NOL10: variants seen among roughly 807,000 people sequenced by gnomAD.
The protein encoded by NOL10 is nucleolar protein 10, also known as H_NH0074G24.1.
In NOL10, 58 loss-of-function variants were observed where a neutral mutation model predicts 103.5. The ratio of observed to expected loss-of-function variants is 0.56; its 90% CI spans 0.45 to 0.70. The LOEUF is 0.70. Ranked by LOEUF, NOL10 falls within the 30% of genes least tolerant of loss-of-function variation. The pLI is 0.00. For synonymous variants in NOL10, 287 were observed against 282.5 expected, an observed-to-expected ratio of 1.02 and a Z score of -0.16; for missense variants, 763 against 807.3, an observed-to-expected ratio of 0.95 and a Z score of 0.67.
intron 13 of NOL10, among the ~76,000 whole-genome samples, chr2:10,619,178 G>A (rs758845091): frequency 1.3e-5 from 2 of 152,108 alleles, no homozygotes; most frequent in Non-Finnish European, 2.9e-5. Context: ...ACAGAGTCTT[G>A]TTCTGTCACC....
At chr2:10,653,870 G>C (rs1435264344) in intron 12 of NOL10, among the ~76,000 whole-genome samples, 1 of 152,074 alleles carries the variant, frequency 6.6e-6, no homozygotes, top group Non-Finnish European at 1.5e-5. Context: ...GCACAAATGT[G>C]ATAGGAGTTC....
chr2:10,673,671 T>A (rs1330789672), intron 4 of NOL10, 114 bp from the exon 5 acceptor site: 1 of 612,720 alleles, frequency 1.6e-6, no homozygotes, highest in Non-Finnish European at 2.8e-6. Flanking sequence ...ACCAGTTTTT[T>A]TCTGCCTCTA....
chr2:10,687,656 C>A (rs936034550), intron 1 of NOL10, among the ~76,000 whole-genome samples: 1 of 152,184 alleles, frequency 6.6e-6, no homozygotes, highest in Non-Finnish European at 1.5e-5. Flanking sequence ...CAAATGTTCA[C>A]TATTGAAAAT....
rs576737583 is a variant in NOL10 at position 10,610,593 on chromosome 2, G to A, written c.1027-3282C>T. On this transcript the variant is annotated intron_variant, in intron 13 of 20. Coordinates refer to ENST00000381685, the MANE Select transcript of NOL10 (RefSeq NM_024894.4). ...TTATTGATTTACACTGGTATAAAAT[G>A]CAGGTTTTATCCACATTAGACCTTT... 4.7e-4 allele frequency among the ~76,000 whole-genome samples: 71 copies of A among 152,206 alleles called. 2 individuals carry two copies. Among genetic ancestry groups the A allele is most frequent in the Admixed American group, 4.4e-3 (68 of 15,290 alleles).
chr2:10,606,640 C>T (rs1039869587), intron 14 of NOL10, among the ~76,000 whole-genome samples: 12 of 150,026 alleles, frequency 8.0e-5, no homozygotes, highest in African/African-American at 2.9e-4. Flanking sequence ...ACTATCTGCA[C>T]ATAGTAAGCC....
At chr2:10,678,407 G>C (rs536772123) in intron 3 of NOL10, among the ~76,000 whole-genome samples, 61 of 144,236 alleles carry the variant, frequency 4.2e-4, no homozygotes, top group Non-Finnish European at 8.0e-4. Flanking sequence ...TTGGCCACTA[G>C]GGGAAAAAAG....
intron 9 of NOL10, among the ~76,000 whole-genome samples, chr2:10,660,564 T>G (rs1196816656): frequency 6.6e-6 from 1 of 152,156 alleles, no homozygotes; most frequent in East Asian, 1.9e-4. Context: ...GTGATCTGCC[T>G]GCCTTGGCCT....
intron 12 of NOL10, among the ~76,000 whole-genome samples, chr2:10,646,530 G>C (rs565158394): frequency 6.6e-6 from 1 of 152,298 alleles, no homozygotes; most frequent in South Asian, 2.1e-4. Flanking sequence ...AGGGCTGAAA[G>C]CAATTATGAA....
chr2:10,640,264 G>T (rs1678609645), intron 13 of NOL10, among the ~76,000 whole-genome samples: 1 of 152,146 alleles, frequency 6.6e-6, no homozygotes, highest in South Asian at 2.1e-4. Flanking sequence ...ATGAAAAATG[G>T]CAGGCTTTCA....
At chr2:10,632,236 A>G (rs1270459856) in intron 13 of NOL10, among the ~76,000 whole-genome samples, 1 of 152,180 alleles carries the variant, frequency 6.6e-6, no homozygotes, top group Admixed American at 6.5e-5. Flanking sequence ...AGACAAAATG[A>G]CGCCCCTGCA....
intron 13 of NOL10, among the ~76,000 whole-genome samples, chr2:10,631,056 T>C (rs1219226408): frequency 6.6e-6 from 1 of 152,214 alleles, no homozygotes; most frequent in Non-Finnish European, 1.5e-5. Flanking sequence ...GTATGTCTAA[T>C]AGGGCTCTGC....
chr2:10,612,392 T>C (rs1473465470), intron 13 of NOL10, among the ~76,000 whole-genome samples: 1 of 152,242 alleles, frequency 6.6e-6, no homozygotes, highest in East Asian at 1.9e-4. Context: ...TTTATAATGC[T>C]ACTGAGTATG....
Position 10,681,975 on chromosome 2 carries a change from T to C in NOL10, c.207A>G (p.Ala69=). 1 of 1,399,822 alleles carries C rather than the reference T, an allele frequency of 7.1e-7. No individual in the cohort carries two copies. The highest frequency in any genetic ancestry group is 9.5e-7 in the Non-Finnish European group (1 of 1,052,638). The allele number at this position is 1,399,822 out of a possible 1,614,324, so 86.7% of individuals were successfully genotyped here. The change falls in exon 3 of 21, where the codon GCA becomes GCG. Residue 69 remains alanine, a synonymous_variant. Coordinates refer to ENST00000381685, the MANE Select transcript of NOL10 (RefSeq NM_024894.4). The part of the protein sequence containing the change: ...KVSKDGQYIL[A]TGTYKPRVRC... ...CATAACCAAAAAGATGCTTACCAGT[T>C]GCTAAAATGTACTGTCCATCTTTTG...
At chr2:10,677,752 C>T (rs751763675) in intron 3 of NOL10, among the ~76,000 whole-genome samples, 2 of 151,928 alleles carry the variant, frequency 1.3e-5, no homozygotes, top group Non-Finnish European at 2.9e-5. Context: ...GAATTACAGG[C>T]GTGAGCCACC....
chr2:10,682,701 C>T (rs1311617757), intron 2 of NOL10, among the ~76,000 whole-genome samples: 1 of 152,006 alleles, frequency 6.6e-6, no homozygotes, highest in African/African-American at 2.4e-5. Context: ...CACTGGGCCC[C>T]TAAACCACTA....
chr2:10,642,387 C>A (rs1389025208), intron 13 of NOL10, among the ~76,000 whole-genome samples: 2 of 152,204 alleles, frequency 1.3e-5, no homozygotes, highest in Non-Finnish European at 2.9e-5. Flanking sequence ...GCTGCCACAG[C>A]CTGTGCTTGT....
intron 12 of NOL10, among the ~76,000 whole-genome samples, chr2:10,648,915 G>GT (rs1414563602): frequency 1.1e-4 from 17 of 152,098 alleles, no homozygotes; most frequent in Non-Finnish European, 2.9e-5. Flanking sequence ...ACAGCGAAAT[G>GT]TAACACACAA....
chr2:10,636,847 CAA>C (rs1326408679), intron 13 of NOL10, among the ~76,000 whole-genome samples: 2 of 152,214 alleles, frequency 1.3e-5, no homozygotes, highest in South Asian at 2.1e-4. Flanking sequence ...ACTAGACTAA[CAA>C]ATTCAATTCA....
chr2:10,580,259 G>A (rs1185849646), intron 19 of NOL10, among the ~76,000 whole-genome samples: 1 of 152,168 alleles, frequency 6.6e-6, no homozygotes, highest in African/African-American at 2.4e-5. Flanking sequence ...AAAACAAAAG[G>A]CAGAACACCA....
Sources: gnomAD v4.1 joint callset for allele counts (sites outside exome capture counted in the v4.1 genomes callset) on GRCh38, gnomAD v4.1.1 for gene constraint, MANE v1.5 for transcripts, NCBI Gene and HGNC (gene_info 2026-07-23, HGNC 2026-07-21) for gene names.